The following KREMEN1 variants were observed in gnomAD, a reference collection of about 807,000 sequenced individuals.
KREMEN1 encodes the protein kringle containing transmembrane protein 1.
KREMEN1 carries 30 observed loss-of-function variants against 46.5 expected under a neutral mutation model. The ratio of observed to expected loss-of-function variants is 0.65; its 90% confidence interval spans 0.48 to 0.88. KREMEN1 has a LOEUF of 0.88. KREMEN1 is among the 40% of genes least tolerant of loss of function. The probability of loss-of-function intolerance (pLI) is 0.00; values close to 1 mark genes in which losing one functional copy is unlikely to be tolerated. For missense variants in KREMEN1, 533 were observed against 596.9 expected, an observed-to-expected ratio of 0.89 and a Z score of 1.11; for synonymous variants, 214 against 230.6, an observed-to-expected ratio of 0.93 and a Z score of 0.65.
chr22:29,145,613 G>A lies in KREMEN1; in HGVS notation c.*3501G>A, dbSNP rs2038845861. 1.0e-6 allele frequency: 1 copy of A among 985,444 alleles called. No individual in the cohort carries two copies. Among genetic ancestry groups the A allele is most frequent in the African/African-American group, 1.7e-5 (1 of 57,248 alleles). The allele number at this position is 985,444 out of a possible 1,614,324, so 61.0% of individuals were successfully genotyped here. A position where few individuals can be genotyped will look rare whatever the true frequency, so the allele number is the denominator to read the frequency against. The stretch of plus-strand genomic sequence containing the variant: ...TGTCCTTGGCCCTTCTGAGAAGGCA[G>A]GCGGGAGGCACACGGTGCCCTGTTC... On this transcript the variant is annotated 3_prime_UTR_variant, in exon 9 of 9. Coordinates refer to ENST00000400335, the MANE Select transcript of KREMEN1 (RefSeq NM_001039570.3).
rs567587230 is a variant in KREMEN1, at chr22:29,135,895, C to T, written c.632-1447C>T. Reference sequence around the variant, plus strand: ...ACCTCAGCTGAGTTTTAAGCTTTTTCTCATTGTTAGGATAGAAGCAGCATT... The same window carrying T: ...ACCTCAGCTGAGTTTTAAGCTTTTTTTCATTGTTAGGATAGAAGCAGCATT... On this transcript the variant is annotated intron_variant, in intron 5 of 8. Transcript: ENST00000400335. Among the ~76,000 whole-genome samples the T allele has an allele frequency of 9.9e-5, 15 of 152,166 alleles. No individual in the cohort carries two copies. The East Asian group carries it at 2.9e-3, about 30-fold the overall frequency.
chr22:29,142,715 C>T lies in KREMEN1; in HGVS notation c.*603C>T. The stretch of plus-strand genomic sequence containing the variant: ...ATGCTGGACTAGGGTGGGCCTCCTT[C>T]AGCCTGGGAGGGTCTGAGAATAAGA... On this transcript the variant is annotated 3_prime_UTR_variant, in exon 9 of 9. Transcript: ENST00000400335. The T allele has an allele frequency of 1.0e-6, 1 of 985,530 alleles. No individual in the cohort carries two copies. Among genetic ancestry groups the T allele is most frequent in the African/African-American group, 1.7e-5 (1 of 57,372 alleles). The allele number at this position is 985,530 out of a possible 1,614,324, so 61.0% of individuals were successfully genotyped here.
chr22:29,131,631 T>C (rs1378395945), intron 5 of KREMEN1, among the ~76,000 whole-genome samples: 6 of 132,272 alleles, frequency 4.5e-5, no homozygotes, highest in Admixed American at 7.6e-5. Context: ...TGTATATATG[T>C]ATATATATGT....
At chr22:29,080,862 C>T (rs535960344) in intron 1 of KREMEN1, among the ~76,000 whole-genome samples, 34 of 151,158 alleles carry the variant, frequency 2.2e-4, no homozygotes, top group East Asian at 7.8e-4. Context: ...AGAGCCCCCA[C>T]GCCAAAGAGT....
In KREMEN1 at chr22:29,142,332, G is replaced by A; in HGVS notation, c.*220G>A. 4.0e-6 allele frequency: 5 copies of A among 1,247,976 alleles called. No homozygotes were observed. The highest frequency in any genetic ancestry group is 5.0e-6 in the Non-Finnish European group (5 of 996,558). The allele number at this position is 1,247,976 out of a possible 1,614,324, so 77.3% of individuals were successfully genotyped here. A position where few individuals can be genotyped will look rare whatever the true frequency, so the allele number is the denominator to read the frequency against. ...CTTCATCGATTGCACTTAGGAGAGA[G>A]ACTCAAAGCCCTGGGGCCCGGCCCT... On this transcript the variant is annotated 3_prime_UTR_variant, in exon 9 of 9. Transcript: ENST00000400335.
intron 5 of KREMEN1, among the ~76,000 whole-genome samples, chr22:29,132,516 C>T (rs1294800952): frequency 6.6e-6 from 1 of 152,160 alleles, no homozygotes; most frequent in Non-Finnish European, 1.5e-5. Flanking sequence ...ATTTGCTCCA[C>T]TTTCTCTCCA....
intron 9 of KREMEN1, among the ~76,000 whole-genome samples, chr22:29,165,972 T>A (rs2039049662): frequency 6.6e-6 from 1 of 152,174 alleles, no homozygotes; most frequent in African/African-American, 2.4e-5. Context: ...GGGCTGCCAT[T>A]CAGAATGGGT....
At chr22:29,128,766 C>T (rs2038486139) in intron 5 of KREMEN1, among the ~76,000 whole-genome samples, 1 of 152,178 alleles carries the variant, frequency 6.6e-6, no homozygotes, top group South Asian at 2.1e-4. Context: ...GATAAGAAAA[C>T]TGTGGATCAA....
exon 10 of KREMEN1, chr22:29,167,400 A>G (rs2039062308): frequency 2.4e-6 from 1 of 422,004 alleles, no homozygotes; most frequent in African/African-American, 2.0e-5. Context: ...TCCTCCGCAC[A>G]GCCGGTCAGA....
chr22:29,101,780 A>T (rs965865264), intron 3 of KREMEN1, among the ~76,000 whole-genome samples: 2 of 152,244 alleles, frequency 1.3e-5, no homozygotes, highest in Non-Finnish European at 2.9e-5. Context: ...CTAGGTGTGT[A>T]GTAGACTATC....
chr22:29,166,702 T>G lies in KREMEN1; in HGVS notation c.1417-342T>G, dbSNP rs368081250. On this transcript the variant is annotated intron_variant, in intron 9 of 9. Transcript: ENST00000327813. The stretch of plus-strand genomic sequence containing the variant: ...ACCTGTAGTCCCAGCACTTTGGGAA[T>G]CCGAGGTGGAAGGATCACTTGAGCC... Among the ~76,000 whole-genome samples, 283 of 152,166 alleles carry G rather than the reference T, an allele frequency of 1.9e-3. 1 individual carries two copies. The highest frequency in any genetic ancestry group is 6.4e-3 in the African/African-American group (266 of 41,508).
intron 9 of KREMEN1, among the ~76,000 whole-genome samples, chr22:29,152,791 T>G (rs527348768): frequency 6.0e-4 from 92 of 152,242 alleles, no homozygotes; most frequent in African/African-American, 2.2e-3. Context: ...ACTCCAAAAC[T>G]GGGATTCAGC....
At chr22:29,161,292 G>A (rs2039007750) in intron 9 of KREMEN1, among the ~76,000 whole-genome samples, 1 of 152,006 alleles carries the variant, frequency 6.6e-6, no homozygotes, top group South Asian at 2.1e-4. Context: ...CAGATCATGA[G>A]GTCAGGAGAT....
chr22:29,158,679 A>T (rs975872923), intron 9 of KREMEN1, among the ~76,000 whole-genome samples: 1 of 152,230 alleles, frequency 6.6e-6, no homozygotes, highest in Non-Finnish European at 1.5e-5. Flanking sequence ...TGAGTCCAGA[A>T]GGGATCAGTC....
At chr22:29,136,697 C>G (rs1377124583) in intron 5 of KREMEN1, among the ~76,000 whole-genome samples, 1 of 152,128 alleles carries the variant, frequency 6.6e-6, no homozygotes, top group Non-Finnish European at 1.5e-5. Context: ...TAGAACATGC[C>G]TATCAAAAAC....
chr22:29,165,401 C>CAA (rs796435316), intron 9 of KREMEN1, among the ~76,000 whole-genome samples: 2 of 111,164 alleles, frequency 1.8e-5, no homozygotes, highest in Non-Finnish European at 3.9e-5. Flanking sequence ...GAGCCTGTCA[C>CAA]AAAAAAAAAA....
intron 1 of KREMEN1, among the ~76,000 whole-genome samples, chr22:29,076,180 G>A (rs1233548391): frequency 6.6e-6 from 1 of 152,170 alleles, no homozygotes; most frequent in Non-Finnish European, 1.5e-5. Flanking sequence ...TCTATTAGGT[G>A]CACATCAACA....
intron 3 of KREMEN1, among the ~76,000 whole-genome samples, chr22:29,104,341 G>A (rs1407064886): frequency 1.3e-5 from 2 of 151,878 alleles, no homozygotes; most frequent in African/African-American, 4.8e-5. Context: ...ATTTTTTGTA[G>A]AGACAGGGTT....
chr22:29,095,077 C>A (rs1257375976), intron 2 of KREMEN1, among the ~76,000 whole-genome samples: 1 of 152,144 alleles, frequency 6.6e-6, no homozygotes, highest in Non-Finnish European at 1.5e-5. Context: ...CCTACACTAC[C>A]GAGAATGTCG....
Sources: allele counts gnomAD v4.1 joint callset (sites outside exome capture counted in the v4.1 genomes callset), GRCh38; gene constraint gnomAD v4.1.1; transcripts MANE v1.5; gene names NCBI Gene and HGNC (gene_info 2026-07-23, HGNC 2026-07-21).